Variants in CDK14 observed in about 807,000 individuals in gnomAD.
CDK14 encodes the protein cyclin-dependent kinase 14.
CDK14 carries 34 observed loss-of-function variants against 60.7 expected under a neutral mutation model. The ratio of observed to expected loss-of-function variants is 0.56; its 90% CI spans 0.43 to 0.75. CDK14 has a LOEUF of 0.75. Among genes scored for constraint, CDK14 ranks in the 30% least tolerant of loss-of-function variants. CDK14 has a pLI of 0.00. For missense variants in CDK14, 482 were observed against 564.1 expected, an observed-to-expected ratio of 0.85 and a Z score of 1.47; for synonymous variants, 197 against 203.7, an observed-to-expected ratio of 0.97 and a Z score of 0.28.
chr7:90,790,882 A>G (rs768196139), intron 5 of CDK14, among the ~76,000 whole-genome samples: 10 of 152,254 alleles, frequency 6.6e-5, no homozygotes, highest in African/African-American at 9.6e-5. Flanking sequence ...AATGCTGTGC[A>G]TTAATGGTGA....
intron 9 of CDK14, among the ~76,000 whole-genome samples, chr7:90,965,546 A>G (rs1355345357): frequency 6.6e-6 from 1 of 152,056 alleles, no homozygotes; most frequent in African/African-American, 2.4e-5. Flanking sequence ...GTATTTCTGT[A>G]TGTCTTATTG....
At chr7:90,744,666 G>A (rs550225502) in intron 3 of CDK14, among the ~76,000 whole-genome samples, 29 of 146,818 alleles carry the variant, frequency 2.0e-4, no homozygotes, top group African/African-American at 6.8e-4. Context: ...CCTCCCGGAC[G>A]GGGCGGCTGG....
At chr7:90,740,488 A>G (rs1803302592) in intron 3 of CDK14, among the ~76,000 whole-genome samples, 1 of 152,068 alleles carries the variant, frequency 6.6e-6, no homozygotes, top group African/African-American at 2.4e-5. Flanking sequence ...CCTTGCAAGA[A>G]GTGTAGAGAC....
intron 6 of CDK14, among the ~76,000 whole-genome samples, chr7:90,865,236 A>C (rs1329170113): frequency 6.6e-6 from 1 of 152,122 alleles, no homozygotes; most frequent in Non-Finnish European, 1.5e-5. Context: ...TTTGGTGAAA[A>C]GAACCGCTTC....
At chr7:90,878,093 T>TGTGTGTGA (rs1237217822) in intron 6 of CDK14, among the ~76,000 whole-genome samples, 7,223 of 149,628 alleles carry the variant, frequency 0.048, 182 homozygotes, top group South Asian at 0.073. Flanking sequence ...TGTGTGTGTG[T>TGTGTGTGA]GAGAGAGAGA....
At chr7:90,923,298 A>G (rs958663764) in intron 8 of CDK14, among the ~76,000 whole-genome samples, 2 of 151,940 alleles carry the variant, frequency 1.3e-5, no homozygotes, top group African/African-American at 2.4e-5. Flanking sequence ...TTTAGTAGAG[A>G]CAGGGTTTCA....
chr7:91,090,335 C>T (rs1308519167), intron 12 of CDK14, among the ~76,000 whole-genome samples: 2 of 152,178 alleles, frequency 1.3e-5, no homozygotes, highest in Non-Finnish European at 2.9e-5. Context: ...TAGAGCAGTA[C>T]TGTCCAATAG....
rs576420105 is a variant in CDK14 at position 90,824,402 on chromosome 7, AG to A, written c.544+33751del. Among the ~76,000 whole-genome samples the A allele has an allele frequency of 2.9e-3, 439 of 152,294 alleles. 3 individuals carry two copies. Among genetic ancestry groups the A allele is most frequent in the African/African-American group, 0.01 (418 of 41,550 alleles). On this transcript the variant is annotated intron_variant, in intron 5 of 14. Coordinates refer to ENST00000380050, the MANE Select transcript of CDK14 (RefSeq NM_001287135.2). Reference sequence around the variant, plus strand: ...TTGTAGCCATCTGCATCAACCTAAGAGTGAACATGGTGTTTGTAGGGCATAG... The same window carrying A: ...TTGTAGCCATCTGCATCAACCTAAGATGAACATGGTGTTTGTAGGGCATAG...
chr7:91,205,580 G>T (rs1191946902), intron 14 of CDK14, among the ~76,000 whole-genome samples: 3 of 152,158 alleles, frequency 2.0e-5, no homozygotes, highest in Non-Finnish European at 2.9e-5. Context: ...GATCTCCTTT[G>T]GGGGTGATGA....
At chr7:91,052,498 A>G (rs1797420856) in intron 11 of CDK14, among the ~76,000 whole-genome samples, 1 of 152,242 alleles carries the variant, frequency 6.6e-6, no homozygotes, top group African/African-American at 2.4e-5. Flanking sequence ...AAAACCACCA[A>G]TAACACTTCG....
At chr7:90,663,293 G>T (rs936868657) in intron 2 of CDK14, among the ~76,000 whole-genome samples, 3 of 152,172 alleles carry the variant, frequency 2.0e-5, no homozygotes, top group Admixed American at 2.0e-4. Flanking sequence ...AAATTGAGTG[G>T]TTGGGAAAAC....
intron 3 of CDK14, among the ~76,000 whole-genome samples, chr7:90,730,576 T>C (rs1427654136): frequency 6.6e-6 from 1 of 152,238 alleles, no homozygotes; most frequent in Non-Finnish European, 1.5e-5. Context: ...TATCTCATTG[T>C]GGTTTTGATT....
At chr7:90,665,292 A>ATAAG (rs1274451724) in intron 2 of CDK14, among the ~76,000 whole-genome samples, 2 of 151,938 alleles carry the variant, frequency 1.3e-5, no homozygotes, top group East Asian at 1.9e-4. Context: ...TCATAAATAA[A>ATAAG]TAAATAAATA....
At chr7:90,969,718 T>C (rs983442082) in intron 9 of CDK14, among the ~76,000 whole-genome samples, 1 of 152,222 alleles carries the variant, frequency 6.6e-6, no homozygotes, top group Non-Finnish European at 1.5e-5. Flanking sequence ...AACTTCTCCT[T>C]TCATTGTTCC....
At chr7:90,748,510 A>G (rs957842115) in intron 4 of CDK14, among the ~76,000 whole-genome samples, 1 of 152,236 alleles carries the variant, frequency 6.6e-6, no homozygotes, top group Non-Finnish European at 1.5e-5. Flanking sequence ...TTACCTTTAT[A>G]ACTTTACCAA....
At chr7:91,068,506 G>A (rs897467062) in intron 11 of CDK14, among the ~76,000 whole-genome samples, 2 of 152,138 alleles carry the variant, frequency 1.3e-5, no homozygotes, top group African/African-American at 4.8e-5. Flanking sequence ...TAATAATTGA[G>A]TTGTGTGTGA....
chr7:90,863,252 C>T lies in CDK14; in HGVS notation c.622C>T (p.Leu208Phe), dbSNP rs1395083598. The T allele has an allele frequency of 3.1e-6, 5 of 1,591,080 alleles. No individual in the cohort carries two copies. In the Admixed American group the frequency reaches 8.4e-5, roughly 27 times the overall value. Residue 208 changes from leucine (L) to phenylalanine (F), a missense_variant, in exon 6 of 15, where the codon CTT (leucine) becomes TTT (phenylalanine). Physicochemically the swap from Leu to Phe is conservative, Grantham distance 22 (BLOSUM62 0). Transcript: ENST00000380050. The stretch of plus-strand genomic sequence containing the variant: ...CATCCATACCAAGGAGACGCTGACA[C>T]TTGTGTTTGAATATGTGGTAAGTAA... ...DIIHTKETLT[L>F]VFEYVHTDLC...
intron 14 of CDK14, among the ~76,000 whole-genome samples, chr7:91,182,645 C>T (rs1326054643): frequency 6.6e-6 from 1 of 152,038 alleles, no homozygotes; most frequent in Admixed American, 6.6e-5. Context: ...TATTTATGAA[C>T]TCCCCTCTCT....
chr7:91,180,564 G>T (rs1193908296), intron 14 of CDK14, among the ~76,000 whole-genome samples: 2 of 152,082 alleles, frequency 1.3e-5, no homozygotes, highest in African/African-American at 4.8e-5. Flanking sequence ...GAGCAGAATT[G>T]TTTTTTTGCT....
Sources: allele counts gnomAD v4.1 joint callset (sites outside exome capture counted in the v4.1 genomes callset), GRCh38; gene constraint gnomAD v4.1.1; transcripts MANE v1.5; gene names NCBI Gene and HGNC (gene_info 2026-07-23, HGNC 2026-07-21).